Variants in TMEM265 observed in about 807,000 individuals in gnomAD.
The protein encoded by TMEM265 is transmembrane protein 265.
Under a neutral mutation model 9.5 loss-of-function variants are expected in TMEM265, and 8 were observed. The observed-to-expected ratio is 0.84, with a 90% CI of 0.49 to 1.52. The LOEUF is 1.52. Among genes scored for constraint, TMEM265 ranks in the 40% most tolerant of loss-of-function variants. The pLI is 0.00. For synonymous variants in TMEM265, 53 were observed against 56.9 expected (o/e 0.93, Z 0.31); for missense variants, 152 against 146.2 (o/e 1.04, Z -0.21).
intron 1 of TMEM265, chr16:30,741,288 C>T (rs952617991): frequency 5.0e-4 from 76 of 153,514 alleles, no homozygotes; most frequent in Non-Finnish European, 7.4e-4. Flanking sequence ...TTGCTTGAAA[C>T]GGGTTGCAGT....
chr16:30,742,111 A>G (rs1717124670), intron 2 of TMEM265, among the ~76,000 whole-genome samples: 1 of 152,220 alleles, frequency 6.6e-6, no homozygotes, highest in Non-Finnish European at 1.5e-5. Flanking sequence ...TAATTAATAG[A>G]ATGCAGTTCA....
At chr16:30,743,707 G>C in intron 2 of TMEM265, 75 bp from the exon 3 acceptor site, 3 of 1,430,876 alleles carry the variant, frequency 2.1e-6, no homozygotes, top group Non-Finnish European at 1.8e-6. Flanking sequence ...GACAGGGAAG[G>C]GGGAGCGGAG....
At position 30,743,938 on chromosome 16, in the gene TMEM265, G is replaced by T. The variant is rs2053240887; in HGVS notation, c.322G>T (p.Glu108Ter). 6.5e-7 allele frequency: 1 copy of T among 1,533,328 alleles called. No homozygotes were observed. The highest frequency in any genetic ancestry group is 8.7e-7 in the Non-Finnish European group (1 of 1,146,414). 95.0% of individuals were successfully genotyped at this position (1,533,328 alleles called of 1,614,324 possible). A position where few individuals can be genotyped will look rare whatever the true frequency, so the allele number is the denominator to read the frequency against. ...GCTCTCCTACGCCATCGCTCAGGCT[G>T]AGTGACCCTGGATGGCCTCTGCTGA... ...WLLSYAIAQA[E>*] is the part of the protein sequence containing the mutation. Residue 108 changes from glutamate (E) to a stop codon, truncating the protein, a stop_gained, in exon 3 of 3, where the codon GAG (glutamate) becomes TAG (stop). Coordinates refer to ENST00000615541, the MANE Select transcript of TMEM265 (RefSeq NM_001256829.2). LOFTEE classifies it high-confidence loss of function.
rs566454124 is a variant in TMEM265, at chr16:30,743,246, C to T, written c.166-536C>T. ...TACTAAAAATACAAAATTAGCTGGG[C>T]GTGGTGGCACGTACCTGTTATCCCA... is the stretch of plus-strand genomic sequence containing the variant. On this transcript the variant is annotated intron_variant, in intron 2 of 2. Coordinates refer to ENST00000615541, the MANE Select transcript of TMEM265 (RefSeq NM_001256829.2). Among the ~76,000 whole-genome samples, 4 of 152,084 alleles carry T rather than the reference C, an allele frequency of 2.6e-5. No homozygotes were observed. The East Asian group carries it at 7.8e-4, about 29-fold the overall frequency.
Position 30,744,146 on chromosome 16 carries a change from G to A in TMEM265, c.*203G>A. ...TGATGAGAGGAGGGCAGCCTGCTCTGTTCTTTCAGGGCCCCCCACCCCCAT... is the reference window on the plus strand; with the variant it reads ...TGATGAGAGGAGGGCAGCCTGCTCTATTCTTTCAGGGCCCCCCACCCCCAT... On this transcript the variant is annotated 3_prime_UTR_variant, in exon 3 of 3. Coordinates refer to ENST00000615541, the MANE Select transcript of TMEM265 (RefSeq NM_001256829.2). 1.9e-6 allele frequency: 1 copy of A among 532,418 alleles called. No homozygotes were observed. The highest frequency in any genetic ancestry group is 3.1e-6 in the Non-Finnish European group (1 of 324,746). 33.0% of individuals were successfully genotyped at this position (532,418 alleles called of 1,614,324 possible).
chr16:30,741,644 C>T, intron 1 of TMEM265, 97 bp from the exon 2 acceptor site: 1 of 1,321,072 alleles, frequency 7.6e-7, no homozygotes, highest in Non-Finnish European at 1.0e-6. Context: ...CCAGGCTAGG[C>T]CATGAGAACA....
intron 2 of TMEM265, 91 bp from the exon 3 acceptor site, chr16:30,743,691 A>G: frequency 7.2e-7 from 1 of 1,394,076 alleles, no homozygotes; most frequent in East Asian, 2.5e-5. Flanking sequence ...TGAGATTTTG[A>G]TCCGTGACAG....
At position 30,743,928 on chromosome 16, in the gene TMEM265, C is replaced by T. The variant is rs1036131013; in HGVS notation, c.312C>T (p.Ile104=). 32 of 1,533,564 alleles carry T rather than the reference C, an allele frequency of 2.1e-5. No homozygotes were observed. The highest frequency in any genetic ancestry group is 3.9e-5 in the Admixed American group (2 of 50,962). 95.0% of individuals were successfully genotyped at this position (1,533,564 alleles called of 1,614,324 possible). Reference sequence around the variant, plus strand: ...TGCTGTGGTTGCTCTCCTACGCCATCGCTCAGGCTGAGTGACCCTGGATGG... The same window carrying T: ...TGCTGTGGTTGCTCTCCTACGCCATTGCTCAGGCTGAGTGACCCTGGATGG... The part of the protein sequence containing the change: ...PLLLWLLSYA[I]AQAE Residue 104 remains isoleucine (I), a synonymous_variant, in exon 3 of 3, where the codon ATC becomes ATT. Coordinates refer to ENST00000615541, the MANE Select transcript of TMEM265 (RefSeq NM_001256829.2).
rs1262699441 is a variant in TMEM265, at chr16:30,744,031, A to C, written c.*88A>C. 7.0e-7 allele frequency: 1 copy of C among 1,423,118 alleles called. No individual in the cohort carries two copies. The highest frequency in any genetic ancestry group is 9.3e-7 in the Non-Finnish European group (1 of 1,072,146). 88.2% of individuals were successfully genotyped at this position (1,423,118 alleles called of 1,614,324 possible). A position where few individuals can be genotyped will look rare whatever the true frequency, so the allele number is the denominator to read the frequency against. The stretch of plus-strand genomic sequence containing the variant: ...AAGGTCCTGTGACAGCAGTGGTTGG[A>C]AGGATCCTGGTTGGAAGGATGGGGA... On this transcript the variant is annotated 3_prime_UTR_variant, in exon 3 of 3. Transcript: ENST00000615541.
intron 2 of TMEM265, among the ~76,000 whole-genome samples, chr16:30,743,216 G>A (rs561973890): frequency 6.6e-6 from 1 of 151,966 alleles, no homozygotes; most frequent in Non-Finnish European, 1.5e-5. Context: ...GTGAAACCCC[G>A]TCTCTACTAA....
Position 30,740,715 on chromosome 16 carries a change from C to G in TMEM265, c.-4+8C>G, listed in dbSNP as rs2053215833. The G allele has an allele frequency of 6.6e-6, 1 of 152,256 alleles. No individual in the cohort carries two copies. 9.4% of individuals were successfully genotyped at this position (152,256 alleles called of 1,614,324 possible). A position where few individuals can be genotyped will look rare whatever the true frequency, so the allele number is the denominator to read the frequency against. On this transcript the variant is annotated splice_region_variant and intron_variant, in intron 1 of 2. Transcript: ENST00000615541. ...TTCAAGGCCTATAGCCAGGTAAGAG[C>G]CCTGTTCATTTTTACATTCTCTGTT...
Position 30,744,185 on chromosome 16 carries a change from GCCCA to G in TMEM265, c.*246_*249del. 2.4e-6 allele frequency: 1 copy of G among 418,958 alleles called. No homozygotes were observed. Among genetic ancestry groups the G allele is most frequent in the Non-Finnish European group, 4.2e-6 (1 of 238,004 alleles). 26.0% of individuals were successfully genotyped at this position (418,958 alleles called of 1,614,324 possible). A position where few individuals can be genotyped will look rare whatever the true frequency, so the allele number is the denominator to read the frequency against. On this transcript the variant is annotated 3_prime_UTR_variant, in exon 3 of 3. Coordinates refer to ENST00000615541, the MANE Select transcript of TMEM265 (RefSeq NM_001256829.2). ...CCCCACCCCCATCTCCCCTACCCTAGCCCACCCTAGGGCCTCTACCCAGCGGGAG... is the reference window on the plus strand; with the variant it reads ...CCCCACCCCCATCTCCCCTACCCTAGCCCTAGGGCCTCTACCCAGCGGGAG...
At chr16:30,743,672 G>A (rs1484600995) in intron 2 of TMEM265, 110 bp from the exon 3 acceptor site, 1 of 1,297,532 alleles carries the variant, frequency 7.7e-7, no homozygotes, top group Non-Finnish European at 1.0e-6. Context: ...GAGGTAGAGG[G>A]TTTGGATGTG....
Position 30,743,792 on chromosome 16 carries a change from G to T in TMEM265, c.176G>T (p.Arg59Leu). The change falls in exon 3 of 3, where the codon CGG (arginine) becomes CTG (leucine). Residue 59 changes from arginine (R) to leucine (L), a missense_variant. Transcript: ENST00000615541. ...ALVFAIKAEE[R>L]HKAGRSEEAV... is the part of the protein sequence containing the mutation. ...AACCTGCCCCCACAGGCGGAAGAGC[G>T]GCATAAAGCAGGCCGGTCCGAGGAG... is the stretch of plus-strand genomic sequence containing the variant. 2 of 1,529,710 alleles carry T rather than the reference G, an allele frequency of 1.3e-6. No homozygotes were observed. Among genetic ancestry groups the T allele is most frequent in the Non-Finnish European group, 1.7e-6 (2 of 1,143,922 alleles). 94.8% of individuals were successfully genotyped at this position (1,529,710 alleles called of 1,614,324 possible). A position where few individuals can be genotyped will look rare whatever the true frequency, so the allele number is the denominator to read the frequency against.
chr16:30,742,793 G>T (rs1416649701), intron 2 of TMEM265, among the ~76,000 whole-genome samples: 2 of 151,862 alleles, frequency 1.3e-5, no homozygotes, highest in Admixed American at 6.5e-5. Context: ...GGGCGTGATG[G>T]TGCGTGCCTG....
chr16:30,741,539 C>A, intron 1 of TMEM265: 1 of 542,424 alleles, frequency 1.8e-6, no homozygotes, highest in Non-Finnish European at 3.2e-6. Context: ...AGACTCAGAA[C>A]CTCAAGCTTA....
intron 2 of TMEM265, among the ~76,000 whole-genome samples, chr16:30,743,043 G>GT (rs2053234965): frequency 1.3e-5 from 2 of 152,158 alleles, no homozygotes; most frequent in Non-Finnish European, 1.5e-5. Context: ...GTCAGAAACT[G>GT]TAAGAACTCC....
rs568611648 is a variant in TMEM265 at position 30,741,814 on chromosome 16, G to A, written c.71G>A (p.Arg24His). 2.5e-4 allele frequency: 384 copies of A among 1,533,938 alleles called. 1 individual carries two copies. Among genetic ancestry groups the A allele is most frequent in the Non-Finnish European group, 2.5e-5 (29 of 1,146,708 alleles). ...TEAAHPPSPI[R>H]CCWLRLRCLA... ...GCTGCTCATCCTCCATCCCCCATCC[G>A]CTGCTGCTGGCTCCGCCTCCGCTGC... The change falls in exon 2 of 3, where the codon CGC becomes CAC. Residue 24 changes from arginine (R) to histidine (H), a missense_variant. Transcript: ENST00000615541.
At position 30,743,955 on chromosome 16, in the gene TMEM265, C is replaced by T; in HGVS notation, c.*12C>T. The T allele has an allele frequency of 6.5e-7, 1 of 1,531,398 alleles. No homozygotes were observed. Among genetic ancestry groups the T allele is most frequent in the Non-Finnish European group, 8.7e-7 (1 of 1,145,088 alleles). The allele number at this position is 1,531,398 out of a possible 1,614,324, so 94.9% of individuals were successfully genotyped here. A position where few individuals can be genotyped will look rare whatever the true frequency, so the allele number is the denominator to read the frequency against. ...CTCAGGCTGAGTGACCCTGGATGGC[C>T]TCTGCTGAGAGCCAGCCGAGACCTC... On this transcript the variant is annotated 3_prime_UTR_variant, in exon 3 of 3. Transcript: ENST00000615541.
Sources: gnomAD v4.1 joint callset for allele counts (sites outside exome capture counted in the v4.1 genomes callset) on GRCh38, gnomAD v4.1.1 for gene constraint, MANE v1.5 for transcripts, NCBI Gene and HGNC (gene_info 2026-07-23, HGNC 2026-07-21) for gene names.